Variants in ZMYM2 observed in about 807,000 individuals in gnomAD.
The protein encoded by ZMYM2 is zinc finger MYM-type containing 2.
ZMYM2 carries 56 observed loss-of-function variants against 162.8 expected under a neutral mutation model. The ratio of observed to expected loss-of-function variants is 0.34; its 90% CI spans 0.28 to 0.43. ZMYM2 has a LOEUF of 0.43. ZMYM2 is among the 20% of genes least tolerant of loss of function. The pLI is 1.00. For missense variants in ZMYM2, 1,275 were observed against 1,621.8 expected (o/e 0.79, Z 3.67); for synonymous variants, 510 against 541.6 (o/e 0.94, Z 0.81).
At chr13:19,909,609 T>C in the ZMYM2 span, among the ~76,000 whole-genome samples, 8 of 152,034 alleles carry the variant, frequency 5.3e-5, no homozygotes, top group African/African-American at 1.9e-4. Flanking sequence ...ATTTTTGTAA[T>C]TTTAGTAGAG....
At chr13:20,010,371 AT>A (rs761787884) in intron 6 of ZMYM2, among the ~76,000 whole-genome samples, 2 of 151,028 alleles carry the variant, frequency 1.3e-5, no homozygotes, top group Non-Finnish European at 3.0e-5. Context: ...AATTTTTTGT[AT>A]TTTTTTGGAG....
At chr13:19,951,230 T>C in the ZMYM2 span, among the ~76,000 whole-genome samples, 1 of 151,904 alleles carries the variant, frequency 6.6e-6, no homozygotes, top group South Asian at 2.1e-4. Context: ...AGCAGACAAA[T>C]GAGATACATT....
chr13:19,927,360 G>A, the ZMYM2 span, among the ~76,000 whole-genome samples: 1 of 152,040 alleles, frequency 6.6e-6, no homozygotes, highest in African/African-American at 2.4e-5. Context: ...TTTAATCACA[G>A]AGACAACACA....
chr13:19,947,339 C>T, the ZMYM2 span, among the ~76,000 whole-genome samples: 38 of 151,892 alleles, frequency 2.5e-4, no homozygotes, highest in African/African-American at 8.9e-4. Context: ...GGATTACAGG[C>T]GTGAGCCACC....
At chr13:20,030,232 CTTT>C (rs772819839) in intron 9 of ZMYM2, among the ~76,000 whole-genome samples, 1 of 140,670 alleles carries the variant, frequency 7.1e-6, no homozygotes, top group African/African-American at 2.6e-5. Context: ...TTCTTTTCCT[CTTT>C]TTTTTTTTTT....
the ZMYM2 span, among the ~76,000 whole-genome samples, chr13:19,870,719 C>G: frequency 6.6e-6 from 1 of 151,524 alleles, no homozygotes; most frequent in Non-Finnish European, 1.5e-5. Context: ...CTCTGCCACC[C>G]GGGTTCAAGC....
chr13:19,943,001 A>G, the ZMYM2 span, among the ~76,000 whole-genome samples: 1 of 152,100 alleles, frequency 6.6e-6, no homozygotes, highest in African/African-American at 2.4e-5. Context: ...AACAGCACAG[A>G]TTTATTCTTT....
At chr13:19,970,430 G>A (rs902776986) in intron 2 of ZMYM2, among the ~76,000 whole-genome samples, 4 of 152,030 alleles carry the variant, frequency 2.6e-5, no homozygotes, top group Non-Finnish European at 5.9e-5. Flanking sequence ...CAAAGACAAA[G>A]GATAGAGATA....
At chr13:20,039,944 T>C (rs529869141) in intron 12 of ZMYM2, among the ~76,000 whole-genome samples, 1 of 152,332 alleles carries the variant, frequency 6.6e-6, no homozygotes, top group Admixed American at 6.5e-5. Flanking sequence ...GCCTACTTGA[T>C]CATGGTGAAT....
chr13:19,952,643 C>T, the ZMYM2 span, among the ~76,000 whole-genome samples: 572 of 152,126 alleles, frequency 3.8e-3, 36 homozygotes, highest in East Asian at 0.093. Context: ...CTTTTTATTA[C>T]TCAATAATAA....
At chr13:19,974,740 G>A (rs959026805) in intron 2 of ZMYM2, among the ~76,000 whole-genome samples, 1 of 152,126 alleles carries the variant, frequency 6.6e-6, no homozygotes, top group African/African-American at 2.4e-5. Context: ...GAAGTGCTGG[G>A]ATTACAGGCG....
At position 20,086,145 on chromosome 13, in the gene ZMYM2, ATTAC is replaced by A; in HGVS notation, c.*132_*135del. The stretch of plus-strand genomic sequence containing the variant: ...TTGTAGCAGTGTACCCACGCTGGGT[ATTAC>A]CATGTAAATAATCTGTGAGTGAAAG... On this transcript the variant is annotated 3_prime_UTR_variant, in exon 25 of 25. Coordinates refer to ENST00000610343, the MANE Select transcript of ZMYM2 (RefSeq NM_197968.4). The A allele has an allele frequency of 1.3e-6, 1 of 799,402 alleles. No homozygotes were observed. The highest frequency in any genetic ancestry group is 3.1e-5 in the Admixed American group (1 of 32,436). The allele number at this position is 799,402 out of a possible 1,614,324, so 49.5% of individuals were successfully genotyped here.
the ZMYM2 span, among the ~76,000 whole-genome samples, chr13:19,930,598 C>T: frequency 1.3e-5 from 2 of 150,350 alleles, no homozygotes; most frequent in Non-Finnish European, 3.0e-5. Flanking sequence ...AGTGCAGTGG[C>T]GCGATCTTGG....
intron 12 of ZMYM2, among the ~76,000 whole-genome samples, chr13:20,050,450 A>G (rs1294087753): frequency 6.6e-6 from 1 of 152,032 alleles, no homozygotes; most frequent in African/African-American, 2.4e-5. Flanking sequence ...ACTACAAAAT[A>G]CTTAACAGTT....
the ZMYM2 span, among the ~76,000 whole-genome samples, chr13:19,902,306 T>C: frequency 2.0e-5 from 3 of 152,212 alleles, no homozygotes; most frequent in East Asian, 3.8e-4. Context: ...GAAAACATTC[T>C]AGAGATCTGT....
intron 6 of ZMYM2, among the ~76,000 whole-genome samples, chr13:20,007,620 G>GT (rs71198950): frequency 0.53 from 71,862 of 135,064 alleles, 19,715 homozygotes; most frequent in East Asian, 0.69. Flanking sequence ...TCCCTCTTTA[G>GT]TTTTTTTTTT....
chr13:20,008,340 A>T (rs371721981), intron 6 of ZMYM2, among the ~76,000 whole-genome samples: 6 of 152,198 alleles, frequency 3.9e-5, no homozygotes, highest in Admixed American at 3.3e-4. Flanking sequence ...CATGTTGTCC[A>T]TGCTGGTCTC....
At chr13:20,002,634 T>G (rs1021104141) in intron 3 of ZMYM2, among the ~76,000 whole-genome samples, 1 of 152,214 alleles carries the variant, frequency 6.6e-6, no homozygotes, top group African/African-American at 2.4e-5. Context: ...TGAGAACACT[T>G]AAAATCTAAT....
At chr13:19,979,568 C>G (rs191490427) in intron 2 of ZMYM2, among the ~76,000 whole-genome samples, 1 of 151,858 alleles carries the variant, frequency 6.6e-6, no homozygotes, top group East Asian at 1.9e-4. Context: ...ATGGTCATGT[C>G]TCAGTAAATC....
Sources: gnomAD v4.1 joint callset for allele counts (sites outside exome capture counted in the v4.1 genomes callset) on GRCh38, gnomAD v4.1.1 for gene constraint, MANE v1.5 for transcripts, NCBI Gene and HGNC (gene_info 2026-07-23, HGNC 2026-07-21) for gene names.